Variants in MDGA2 observed in about 807,000 individuals in gnomAD.
MDGA2 encodes the protein MAM domain-containing glycosylphosphatidylinositol anchor protein 2.
MDGA2 carries 40 observed loss-of-function variants against 117.8 expected under a neutral mutation model. That is an observed-to-expected ratio of 0.34 (90% CI 0.26 to 0.44). The LOEUF (loss-of-function observed/expected upper bound fraction) is 0.44. MDGA2 is among the 20% of genes least tolerant of loss of function. The pLI is 1.00. For missense variants in MDGA2, 1,123 were observed against 1,250.6 expected, an observed-to-expected ratio of 0.90 and a Z score of 1.54; for synonymous variants, 452 against 439.0, an observed-to-expected ratio of 1.03 and a Z score of -0.37.
chr14:47,378,177 G>A (rs1216012915), intron 1 of MDGA2, among the ~76,000 whole-genome samples: 2 of 152,118 alleles, frequency 1.3e-5, no homozygotes, highest in African/African-American at 4.8e-5. Context: ...CTAACAAACA[G>A]AAACAACATC....
chr14:47,023,024 G>C (rs565973045), intron 8 of MDGA2, among the ~76,000 whole-genome samples: 2 of 152,054 alleles, frequency 1.3e-5, no homozygotes, highest in Non-Finnish European at 2.9e-5. Context: ...AAAGGGGCAA[G>C]CTTTTTCAGG....
At chr14:47,631,537 G>C (rs1262492328) in intron 1 of MDGA2, among the ~76,000 whole-genome samples, 1 of 152,036 alleles carries the variant, frequency 6.6e-6, no homozygotes, top group African/African-American at 2.4e-5. Flanking sequence ...TATCCGTAAC[G>C]GATGACAATA....
intron 8 of MDGA2, among the ~76,000 whole-genome samples, chr14:46,986,178 C>T (rs925103577): frequency 6.6e-6 from 1 of 152,030 alleles, no homozygotes; most frequent in African/African-American, 2.4e-5. Context: ...GCACTTGGCA[C>T]AGACACAACA....
intron 1 of MDGA2, among the ~76,000 whole-genome samples, chr14:47,348,118 A>G (rs12884683): frequency 3.3e-5 from 5 of 151,752 alleles, no homozygotes; most frequent in Non-Finnish European, 7.4e-5. Flanking sequence ...AGAATTGAAG[A>G]AAATAATTGT....
intron 5 of MDGA2, among the ~76,000 whole-genome samples, chr14:47,128,978 C>G (rs527660697): frequency 1.3e-5 from 2 of 151,976 alleles, no homozygotes; most frequent in Non-Finnish European, 2.9e-5. Context: ...AGTGAGCCAC[C>G]GTGCCCAGCC....
intron 4 of MDGA2, among the ~76,000 whole-genome samples, chr14:47,141,391 C>T (rs1594663332): frequency 1.3e-5 from 2 of 152,224 alleles, no homozygotes; most frequent in East Asian, 3.9e-4. Context: ...TGGAATAAAC[C>T]TAAGTGTCCA....
intron 6 of MDGA2, among the ~76,000 whole-genome samples, chr14:47,070,792 G>C (rs1890253736): frequency 6.6e-6 from 1 of 152,080 alleles, no homozygotes; most frequent in Admixed American, 6.6e-5. Flanking sequence ...TTTTTTGGTA[G>C]AGACTGGGTT....
chr14:47,408,716 A>C (rs1440502588), intron 1 of MDGA2, among the ~76,000 whole-genome samples: 1 of 152,192 alleles, frequency 6.6e-6, no homozygotes, highest in African/African-American at 2.4e-5. Context: ...CTAAATGCAA[A>C]ATAATTAAAT....
intron 6 of MDGA2, among the ~76,000 whole-genome samples, chr14:47,071,339 A>G (rs1364446451): frequency 6.6e-6 from 1 of 152,222 alleles, no homozygotes; most frequent in African/African-American, 2.4e-5. Flanking sequence ...AATAAACCAC[A>G]AAACAAAGAT....
At chr14:46,989,788 C>T (rs1887012948) in intron 8 of MDGA2, among the ~76,000 whole-genome samples, 1 of 151,848 alleles carries the variant, frequency 6.6e-6, no homozygotes, top group Non-Finnish European at 1.5e-5. Flanking sequence ...CTGGCAGGGA[C>T]CACCAAGTGA....
chr14:47,101,221 G>A (rs987469632), intron 5 of MDGA2, among the ~76,000 whole-genome samples: 1 of 152,078 alleles, frequency 6.6e-6, no homozygotes, highest in Non-Finnish European at 1.5e-5. Context: ...GAAAGGAAGG[G>A]AAAGGGGAAC....
intron 2 of MDGA2, among the ~76,000 whole-genome samples, chr14:47,286,060 T>G (rs1888660478): frequency 1.3e-5 from 2 of 152,058 alleles, no homozygotes; most frequent in Non-Finnish European, 2.9e-5. Context: ...GCATTGTGTG[T>G]GTGATATATA....
chr14:47,234,701 T>G (rs1886802090), intron 2 of MDGA2, among the ~76,000 whole-genome samples: 1 of 152,122 alleles, frequency 6.6e-6, no homozygotes, highest in Admixed American at 6.5e-5. Flanking sequence ...CCTAATACAT[T>G]TATACATTCA....
At chr14:46,999,681 A>G (rs1489499963) in intron 8 of MDGA2, among the ~76,000 whole-genome samples, 2 of 152,090 alleles carry the variant, frequency 1.3e-5, no homozygotes, top group Admixed American at 6.6e-5. Context: ...AAGGGCAGCC[A>G]TATCTTCCCT....
chr14:47,480,419 C>T (rs1223247988), intron 1 of MDGA2, among the ~76,000 whole-genome samples: 1 of 151,926 alleles, frequency 6.6e-6, no homozygotes, highest in Admixed American at 6.6e-5. Context: ...AACGATTTAT[C>T]TACAATAAAG....
intron 1 of MDGA2, among the ~76,000 whole-genome samples, chr14:47,613,671 G>A (rs1313207934): frequency 2.6e-5 from 4 of 152,052 alleles, no homozygotes; most frequent in Non-Finnish European, 5.9e-5. Context: ...TTTATATATA[G>A]CTATCCTGAT....
chr14:47,557,478 A>T lies in MDGA2; in HGVS notation c.280+117039T>A, dbSNP rs180966354. On this transcript the variant is annotated intron_variant, in intron 1 of 16. Coordinates refer to ENST00000399232, the MANE Select transcript of MDGA2 (RefSeq NM_001113498.3). Reference sequence around the variant, plus strand: ...TCCCAGTAGTCTAGGCTGACAAATCAATTGTGAGAAAAGACCCTTTCATGA... The same window carrying T: ...TCCCAGTAGTCTAGGCTGACAAATCTATTGTGAGAAAAGACCCTTTCATGA... Among the ~76,000 whole-genome samples, 18 of 152,306 alleles carry T rather than the reference A, an allele frequency of 1.2e-4. No individual in the cohort carries two copies. In the East Asian group the frequency reaches 3.5e-3, roughly 29 times the overall value.
At chr14:47,129,337 C>T (rs987107362) in intron 5 of MDGA2, among the ~76,000 whole-genome samples, 2 of 150,936 alleles carry the variant, frequency 1.3e-5, no homozygotes, top group African/African-American at 4.9e-5. Context: ...TGAGAATATG[C>T]GGTGTTTGGT....
At chr14:47,627,378 G>C (rs1420112701) in intron 1 of MDGA2, among the ~76,000 whole-genome samples, 1 of 151,232 alleles carries the variant, frequency 6.6e-6, no homozygotes, top group East Asian at 2.0e-4. Flanking sequence ...AATCTGGTGG[G>C]GACTTGGAGA....
Sources: gnomAD v4.1 joint callset for allele counts (sites outside exome capture counted in the v4.1 genomes callset) on GRCh38, gnomAD v4.1.1 for gene constraint, MANE v1.5 for transcripts, NCBI Gene and HGNC (gene_info 2026-07-23, HGNC 2026-07-21) for gene names.